Variants in MED16 observed in about 807,000 individuals in gnomAD.
MED16 encodes mediator complex subunit 16.
Under a neutral mutation model 84.4 loss-of-function variants are expected in MED16, and 81 were observed. The observed-to-expected ratio is 0.96, with a 90% CI of 0.80 to 1.15. The LOEUF (loss-of-function observed/expected upper bound fraction) is 1.15, where lower values mean the gene tolerates loss of function less well. Among genes scored for constraint, MED16 ranks in the 50% most tolerant of loss-of-function variants. The pLI is 0.00. For synonymous variants in MED16, 897 were observed against 552.2 expected (o/e 1.62, Z -8.76); for missense variants, 1,585 against 1,245.9 (o/e 1.27, Z -4.10).
At chr19:882,586 T>C (rs1001690473) in intron 6 of MED16, among the ~76,000 whole-genome samples, 2 of 152,158 alleles carry the variant, frequency 1.3e-5, no homozygotes, top group South Asian at 2.1e-4. Context: ...TGTGGCTGCA[T>C]GTGGGACACG....
chr19:890,272 G>T, intron 2 of MED16, 28 bp from the exon 3 acceptor site: 2 of 1,438,338 alleles, frequency 1.4e-6, no homozygotes, highest in South Asian at 1.3e-5. Context: ...GGTCAGCACG[G>T]CCTGGCACCA....
At chr19:878,296 C>A (rs1415330069) in intron 8 of MED16, among the ~76,000 whole-genome samples, 4 of 85,140 alleles carry the variant, frequency 4.7e-5, no homozygotes, top group Non-Finnish European at 8.8e-5. Context: ...GTTGTCAATG[C>A]CCACCAGCCC....
In MED16 at chr19:891,189, A is replaced by G. The variant is rs565949038; in HGVS notation, c.-18-40T>C. The G allele has an allele frequency of 1.1e-4, 176 of 1,562,320 alleles. 5 individuals carry two copies. The South Asian group carries it at 2.0e-3, about 18-fold the overall frequency. On this transcript the variant is annotated intron_variant, in intron 1 of 15. Coordinates refer to ENST00000325464, the MANE Select transcript of MED16 (RefSeq NM_005481.3). ...TGTGGTGGGACGTCTATGTTGGCTG[A>G]GCACCCAGGGCATGTGGAGTGCCAG...
intron 9 of MED16, 85 bp downstream of exon 9, chr19:876,889 G>T: frequency 7.2e-7 from 1 of 1,391,654 alleles, no homozygotes; most frequent in Non-Finnish European, 9.6e-7. Flanking sequence ...GCCCCCACCT[G>T]CCACGGGGCC....
At chr19:869,383 C>T (rs896535512) in intron 13 of MED16, among the ~76,000 whole-genome samples, 1 of 138,298 alleles carries the variant, frequency 7.2e-6, no homozygotes, top group Non-Finnish European at 1.5e-5. Context: ...CTCTGAACGA[C>T]AAGATTCTGG....
Position 875,299 on chromosome 19 carries a change from A to T in MED16, c.1716T>A (p.Pro572=). Residue 572 remains proline (P), a synonymous_variant, in exon 10 of 16, where the codon CCT becomes CCA. Coordinates refer to ENST00000325464, the MANE Select transcript of MED16 (RefSeq NM_005481.3). ...SLLRPHFLNT[P]DKSPGDRLTE... is the part of the protein sequence containing the mutation. ...TCAGCCGGTCGCCGGGGCTCTTGTC[A>T]GGCGTGTTGAGAAAGTGGGGGCGCA... 1 of 1,610,716 alleles carries T rather than the reference A, an allele frequency of 6.2e-7. No homozygotes were observed.
chr19:885,692 G>C, intron 5 of MED16, 78 bp downstream of exon 5: 1 of 1,528,476 alleles, frequency 6.5e-7, no homozygotes, highest in African/African-American at 1.4e-5. Flanking sequence ...GCCCGCGCGG[G>C]TCTCCACCCC....
At chr19:876,591 C>T (rs2036236346) in intron 9 of MED16, among the ~76,000 whole-genome samples, 2 of 152,154 alleles carry the variant, frequency 1.3e-5, no homozygotes, top group African/African-American at 4.8e-5. Context: ...CTCTGAGGTG[C>T]AGCTTTCCTG....
Position 871,132 on chromosome 19 carries a change from G to A in MED16, c.2220C>T (p.Ser740=), listed in dbSNP as rs748405693. 3.2e-6 allele frequency: 5 copies of A among 1,548,454 alleles called. No individual in the cohort carries two copies. Among genetic ancestry groups the A allele is most frequent in the Non-Finnish European group, 4.4e-6 (5 of 1,145,792 alleles). The change falls in exon 13 of 16, where the codon AGC becomes AGT. Residue 740 remains serine, a synonymous_variant. Transcript: ENST00000325464. ...GAAGGGGCTGCTTGGGCTGCAGGCG[G>A]CTAACCAGGCCGTCGCTGGCTGGCA... ...DWLPASDGLV[S]RLQPKQPLRL...
chr19:891,928 T>C (rs1287063585), intron 1 of MED16, among the ~76,000 whole-genome samples: 1 of 128,592 alleles, frequency 7.8e-6, no homozygotes, highest in Non-Finnish European at 1.6e-5. Flanking sequence ...GGGCTGAGTG[T>C]GATGGGGAAC....
Position 877,160 on chromosome 19 carries a change from T to C in MED16, c.1374A>G (p.Ser458=), listed in dbSNP as rs1257509698. 4 of 1,610,934 alleles carry C rather than the reference T, an allele frequency of 2.5e-6. No homozygotes were observed. Among genetic ancestry groups the C allele is most frequent in the Non-Finnish European group, 2.5e-6 (3 of 1,179,360 alleles). Residue 458 remains serine, a synonymous_variant, in exon 9 of 16, where the codon TCA becomes TCG. Transcript: ENST00000325464. Reference sequence around the variant, plus strand: ...CCTCCAGCGGGTGGCCCATGGAAGGTGAGAGGCGGAGCACGCTCAGCTGCC... The same window carrying C: ...CCTCCAGCGGGTGGCCCATGGAAGGCGAGAGGCGGAGCACGCTCAGCTGCC... ...SHGKLSVLRL[S]PSMGHPLEVG...
rs149302926 is a variant in MED16, at chr19:886,210, A to AAGGG, written c.448-13_448-10dup. The AAGGG allele has an allele frequency of 2.0e-5, 30 of 1,498,466 alleles. No individual in the cohort carries two copies. The highest frequency in any genetic ancestry group is 1.2e-4 in the South Asian group (9 of 76,124). The allele number at this position is 1,498,466 out of a possible 1,614,324, so 92.8% of individuals were successfully genotyped here. On this transcript the variant is annotated splice_polypyrimidine_tract_variant and intron_variant, in intron 4 of 15. Coordinates refer to ENST00000325464, the MANE Select transcript of MED16 (RefSeq NM_005481.3). ...AAGCTGGAGGCGCCCGACTGTGGAG[A>AAGGG]AGGGAGGGAGGGAGGAGGGGCCGCT... is the stretch of plus-strand genomic sequence containing the variant.
Position 874,136 on chromosome 19 carries a change from CAG to C in MED16, c.1772-556_1772-555del, listed in dbSNP as rs534511538. ...ATAACCCTAAATTTTTTTTTTGAGA[CAG>C]AGTCTCACTCTGTCGCCCAGGCTGG... is the stretch of plus-strand genomic sequence containing the variant. On this transcript the variant is annotated intron_variant, in intron 10 of 15. Coordinates refer to ENST00000325464, the MANE Select transcript of MED16 (RefSeq NM_005481.3). Among the ~76,000 whole-genome samples the C allele has an allele frequency of 4.7e-4, 63 of 133,220 alleles. No homozygotes were observed. In the South Asian group the frequency reaches 0.013, roughly 27 times the overall value. The allele number at this position is 133,220 out of a possible 152,430, so 87.4% of individuals were successfully genotyped here.
chr19:883,262 T>A (rs1399116589), intron 6 of MED16, among the ~76,000 whole-genome samples: 1 of 132,246 alleles, frequency 7.6e-6, no homozygotes, highest in African/African-American at 3.0e-5. Context: ...GGGCGGTGCG[T>A]GAAGAGCTGG....
At chr19:870,111 G>A (rs1017989757) in intron 13 of MED16, among the ~76,000 whole-genome samples, 1 of 152,202 alleles carries the variant, frequency 6.6e-6, no homozygotes, top group African/African-American at 2.4e-5. Context: ...CTCCTGATGA[G>A]GTGTCTGCTC....
In MED16 at chr19:868,181, G is replaced by A. The variant is rs1216563581; in HGVS notation, c.2554C>T (p.Gln852Ter). 3.1e-6 allele frequency: 5 copies of A among 1,609,588 alleles called. No individual in the cohort carries two copies. The highest frequency in any genetic ancestry group is 3.4e-6 in the Non-Finnish European group (4 of 1,178,620). Residue 852 changes from glutamine to a stop codon, truncating the protein, a stop_gained, in exon 16 of 16, where the codon CAG becomes TAG. Transcript: ENST00000325464. LOFTEE classifies it low-confidence loss of function (END_TRUNC). ...RASEEAPAFV[Q>*]LGPQSTHHSP... ...TGGTGTGTGGACTGCGGGCCCAGCT[G>A]GACAAAGGCAGGGGCTTCCTCAGAA...
intron 7 of MED16, among the ~76,000 whole-genome samples, chr19:881,141 A>G (rs751398178): frequency 9.2e-5 from 14 of 152,076 alleles, no homozygotes; most frequent in Non-Finnish European, 1.3e-4. Context: ...TCCACATTTT[A>G]CAGCTGAGCA....
intron 10 of MED16, among the ~76,000 whole-genome samples, chr19:874,136 C>CA (rs1158361947): frequency 3.8e-5 from 5 of 133,110 alleles, no homozygotes; most frequent in Admixed American, 7.3e-5. Context: ...TTTTTTGAGA[C>CA]AGAGTCTCAC....
At chr19:876,614 G>A (rs1403090426) in intron 9 of MED16, among the ~76,000 whole-genome samples, 1 of 151,968 alleles carries the variant, frequency 6.6e-6, no homozygotes, top group Admixed American at 6.6e-5. Flanking sequence ...CGGGCCTCTG[G>A]GAGCACACCC....
Sources: gnomAD v4.1 joint callset for allele counts (sites outside exome capture counted in the v4.1 genomes callset) on GRCh38, gnomAD v4.1.1 for gene constraint, MANE v1.5 for transcripts, NCBI Gene and HGNC (gene_info 2026-07-23, HGNC 2026-07-21) for gene names.